The following SYBU variants were observed in gnomAD, a reference collection of about 807,000 sequenced individuals.
SYBU encodes syntabulin.
SYBU carries 21 observed loss-of-function variants against 35.9 expected under a neutral mutation model. That is an observed-to-expected ratio of 0.58 (90% CI 0.41 to 0.84). The LOEUF (loss-of-function observed/expected upper bound fraction) is 0.84. Ranked by LOEUF, SYBU falls within the 40% of genes least tolerant of loss-of-function variation. The pLI, the probability that SYBU is intolerant of heterozygous loss-of-function variation, is 0.00. For missense variants in SYBU, 768 were observed against 848.2 expected (o/e 0.91, Z 1.17); for synonymous variants, 319 against 324.3 (o/e 0.98, Z 0.18).
At chr8:109,583,224 C>T (rs1310809723) in intron 4 of SYBU, among the ~76,000 whole-genome samples, 1 of 152,176 alleles carries the variant, frequency 6.6e-6, no homozygotes, top group Non-Finnish European at 1.5e-5. Flanking sequence ...CACATATCAT[C>T]TCATTTAACT....
In SYBU at chr8:109,595,191, A is replaced by G. The variant is rs567300684; in HGVS notation, c.428-9029T>C. Among the ~76,000 whole-genome samples, 19 of 152,334 alleles carry G rather than the reference A, an allele frequency of 1.2e-4. No homozygotes were observed. In the South Asian group the frequency reaches 2.3e-3, roughly 18 times the overall value. The stretch of plus-strand genomic sequence containing the variant: ...GAAGAACTTAGAACAGTGACAAGGA[A>G]TGAGGCGAGGCTGTTGTGTAGTGTG... On this transcript the variant is annotated intron_variant, in intron 3 of 6. Transcript: ENST00000276646.
At chr8:109,672,360 G>A (rs1178045079) in intron 1 of SYBU, among the ~76,000 whole-genome samples, 1 of 152,184 alleles carries the variant, frequency 6.6e-6, no homozygotes, top group Non-Finnish European at 1.5e-5. Context: ...TGGTTAGACA[G>A]TGGGTGCAGC....
chr8:109,656,987 A>AT (rs1409936497), intron 1 of SYBU, among the ~76,000 whole-genome samples: 1 of 152,184 alleles, frequency 6.6e-6, no homozygotes, highest in African/African-American at 2.4e-5. Flanking sequence ...TAAACCAAGA[A>AT]TAAAAACACA....
chr8:109,618,544 A>G (rs997514894), intron 3 of SYBU, among the ~76,000 whole-genome samples: 12 of 152,216 alleles, frequency 7.9e-5, no homozygotes, highest in Admixed American at 3.3e-4. Context: ...AGAATTACTC[A>G]TATAGTTTAA....
intron 1 of SYBU, 86 bp from the exon 2 acceptor site, chr8:109,643,018 T>C: frequency 1.4e-6 from 2 of 1,454,468 alleles, no homozygotes; most frequent in Non-Finnish European, 1.8e-6. Context: ...GATCAATTTC[T>C]AAGAAATCAC....
intron 1 of SYBU, among the ~76,000 whole-genome samples, 185 bp downstream of exon 1, chr8:109,644,451 C>A (rs550384711): frequency 2.0e-5 from 3 of 152,274 alleles, no homozygotes; most frequent in African/African-American, 7.2e-5. Context: ...CCAGTACCAC[C>A]TCCCCATCTC....
At chr8:109,647,798 A>G (rs540701686), upstream of SYBU, 1 of 152,378 alleles carries the variant, frequency 6.6e-6, no homozygotes, top group East Asian at 1.9e-4. Context: ...GCAGAAGTGC[A>G]GGCACTGAGA....
chr8:109,642,777 G>T lies in SYBU; in HGVS notation c.180C>A (p.Ser60Arg), dbSNP rs969079583. Residue 60 changes from serine (S) to arginine (R), a missense_variant, in exon 2 of 7, where the codon AGC becomes AGA. Transcript: ENST00000276646. ...SEEESREFNP[S>R]SSGRSARTVS... ...CGGTCCTCGCTGAGCGCCCAGAGCT[G>T]CTGGGGTTGAACTCTCTGCTCTCTT... The T allele has an allele frequency of 1.2e-6, 2 of 1,613,348 alleles. No individual in the cohort carries two copies. Among genetic ancestry groups the T allele is most frequent in the African/African-American group, 1.3e-5 (1 of 74,904 alleles).
intron 2 of SYBU, among the ~76,000 whole-genome samples, chr8:109,640,342 G>T (rs1173090010): frequency 1.3e-5 from 2 of 150,900 alleles, no homozygotes; most frequent in African/African-American, 5.0e-5. Flanking sequence ...AAATATATTT[G>T]GGGTTTTCCT....
chr8:109,606,545 C>G (rs1826085074), intron 3 of SYBU, among the ~76,000 whole-genome samples: 1 of 152,134 alleles, frequency 6.6e-6, no homozygotes, highest in African/African-American at 2.4e-5. Context: ...GGGCTTTATA[C>G]TGTTAGTGCA....
chr8:109,591,597 C>T (rs991506969), intron 3 of SYBU, among the ~76,000 whole-genome samples: 4 of 145,836 alleles, frequency 2.7e-5, no homozygotes, highest in South Asian at 4.4e-4. Context: ...CTGCAAGCTC[C>T]GCCTCCCAGG....
upstream of SYBU, among the ~76,000 whole-genome samples, chr8:109,681,229 T>A (rs911400704): frequency 1.1e-4 from 17 of 152,172 alleles, no homozygotes; most frequent in African/African-American, 4.1e-4. Flanking sequence ...CTCTTCTCCT[T>A]GGCGTGCAAA....
intron 2 of SYBU, among the ~76,000 whole-genome samples, chr8:109,637,053 T>A (rs1310332784): frequency 1.3e-5 from 2 of 152,140 alleles, no homozygotes; most frequent in Non-Finnish European, 2.9e-5. Flanking sequence ...ATACTCCTCA[T>A]ACCAAATCCC....
chr8:109,676,090 C>T (rs573285117), intron 1 of SYBU, among the ~76,000 whole-genome samples: 168 of 152,222 alleles, frequency 1.1e-3, no homozygotes, highest in Middle Eastern at 3.4e-3. Context: ...AATTCAACAC[C>T]CCTTCATGAT....
upstream of SYBU, chr8:109,647,819 T>C (rs557759831): frequency 1.4e-4 from 21 of 152,368 alleles, no homozygotes; most frequent in East Asian, 4.1e-3. Flanking sequence ...GGCTGTGCAG[T>C]AGCCTTGCTG....
At position 109,686,155 on chromosome 8, in the gene SYBU, T is replaced by G. The variant is rs879030398; in HGVS notation, c.-58+5178A>C. ...ACTGGAAGAAATGCCTTTTTTTTTT[T>G]TCTTTCTGTACCTAATTCTGTAGTG... On this transcript the variant is annotated intron_variant, in intron 1 of 7. Transcript: ENST00000422135. Among the ~76,000 whole-genome samples, 3 of 152,094 alleles carry G rather than the reference T, an allele frequency of 2.0e-5. No homozygotes were observed. The East Asian group carries it at 5.8e-4, about 29-fold the overall frequency.
At chr8:109,601,266 C>T (rs1384485608) in intron 3 of SYBU, among the ~76,000 whole-genome samples, 3 of 152,170 alleles carry the variant, frequency 2.0e-5, no homozygotes, top group African/African-American at 7.2e-5. Flanking sequence ...CTGAGACTCA[C>T]CCCAAATCAC....
chr8:109,579,941 A>G lies in SYBU; in HGVS notation c.592T>C (p.Ser198Pro). ...GACAGAAGGTCCTTTTCCCGCGGGG[A>G]TGATGGGCTGCTGCCAGGCTTGTGT... The part of the protein sequence containing the change: ...SSHKPGSSPS[S>P]PREKDLLSML... Residue 198 changes from serine (S) to proline (P), a missense_variant, in exon 5 of 7, where the codon TCC becomes CCC. Physicochemically the swap from Ser to Pro is moderately conservative, Grantham distance 74 (BLOSUM62 -1). Coordinates refer to ENST00000276646, the MANE Select transcript of SYBU (RefSeq NM_001099754.2). 6.2e-7 allele frequency: 1 copy of G among 1,613,678 alleles called. No homozygotes were observed. Among genetic ancestry groups the G allele is most frequent in the East Asian group, 2.2e-5 (1 of 44,848 alleles).
chr8:109,611,408 G>C (rs554349855), intron 3 of SYBU, among the ~76,000 whole-genome samples: 1 of 152,148 alleles, frequency 6.6e-6, no homozygotes, highest in South Asian at 2.1e-4. Context: ...ATGGGAGAAA[G>C]GCATGAGAGA....
Sources: gnomAD v4.1 joint callset for allele counts (sites outside exome capture counted in the v4.1 genomes callset) on GRCh38, gnomAD v4.1.1 for gene constraint, MANE v1.5 for transcripts, NCBI Gene and HGNC (gene_info 2026-07-23, HGNC 2026-07-21) for gene names.